Variants in SEMA3C observed in about 807,000 individuals in gnomAD.
SEMA3C encodes semaphorin 3C.
A neutral mutation model predicts 89.4 loss-of-function variants in SEMA3C; 47 were observed. The observed-to-expected ratio is 0.53, with a 90% CI of 0.42 to 0.67. The LOEUF (loss-of-function observed/expected upper bound fraction) is 0.67. Among genes scored for constraint, SEMA3C ranks in the 30% least tolerant of loss-of-function variants. SEMA3C has a pLI of 0.00. For missense variants in SEMA3C, 839 were observed against 929.1 expected, an observed-to-expected ratio of 0.90 and a Z score of 1.26; for synonymous variants, 310 against 320.2, an observed-to-expected ratio of 0.97 and a Z score of 0.34.
In SEMA3C at chr7:80,789,399, C is replaced by A. The variant is rs1217405269; in HGVS notation, c.1261G>T (p.Val421Phe). ...TACTTGTAGTCAGTGCCAATACGAA[C>A]AATCAAAGGCCTTTTGTGGATTGGG... ...IYPIHKRPLIVRIGTDYKYTK... is the reference protein window; with the variant it reads ...IYPIHKRPLIFRIGTDYKYTK... The change falls in exon 12 of 18, where the codon GTT becomes TTT. Residue 421 changes from valine to phenylalanine, a missense_variant. Val to Phe is a conservative substitution (Grantham distance 50). Coordinates refer to ENST00000265361, the MANE Select transcript of SEMA3C (RefSeq NM_006379.5). 3.1e-6 allele frequency: 5 copies of A among 1,613,958 alleles called. No homozygotes were observed. Among genetic ancestry groups the A allele is most frequent in the Middle Eastern group, 1.6e-4 (1 of 6,084 alleles).
At chr7:80,750,912 T>C (rs1436706518) in intron 16 of SEMA3C, among the ~76,000 whole-genome samples, 1 of 152,132 alleles carries the variant, frequency 6.6e-6, no homozygotes, top group East Asian at 1.9e-4. Flanking sequence ...GTATATTTAC[T>C]GCAGTAAAAA....
intron 2 of SEMA3C, among the ~76,000 whole-genome samples, chr7:80,843,213 T>C (rs2115890025): frequency 6.6e-6 from 1 of 152,248 alleles, no homozygotes; most frequent in Non-Finnish European, 1.5e-5. Context: ...CTGAATCGTT[T>C]CCAACACATT....
rs529611258 is a variant in SEMA3C at position 80,825,211 on chromosome 7, A to G, written c.327+2214T>C. 8.5e-5 allele frequency among the ~76,000 whole-genome samples: 13 copies of G among 152,248 alleles called. No individual in the cohort carries two copies. The East Asian group carries it at 1.9e-3, about 23-fold the overall frequency. On this transcript the variant is annotated intron_variant, in intron 4 of 17. Coordinates refer to ENST00000265361, the MANE Select transcript of SEMA3C (RefSeq NM_006379.5). The stretch of plus-strand genomic sequence containing the variant: ...TTTTCCCATAGCCTAAGTAAAGGAC[A>G]CTTCTATAAGTATTTCACATGTATG...
intron 13 of SEMA3C, among the ~76,000 whole-genome samples, chr7:80,762,274 C>T (rs183322251): frequency 6.6e-5 from 10 of 152,132 alleles, no homozygotes; most frequent in East Asian, 1.9e-4. Flanking sequence ...CTAATTCCTC[C>T]GCAACACAAG....
intron 5 of SEMA3C, among the ~76,000 whole-genome samples, chr7:80,816,926 A>G (rs913520527): frequency 6.6e-6 from 1 of 152,200 alleles, no homozygotes; most frequent in Non-Finnish European, 1.5e-5. Flanking sequence ...TTTTATTTGA[A>G]ATCTGTGCTC....
chr7:80,767,469 C>T (rs1788330594), intron 12 of SEMA3C, among the ~76,000 whole-genome samples: 1 of 152,148 alleles, frequency 6.6e-6, no homozygotes, highest in African/African-American at 2.4e-5. Context: ...TGCATATAAT[C>T]ATGCCACTCT....
intron 14 of SEMA3C, among the ~76,000 whole-genome samples, chr7:80,760,913 GT>G (rs2117051930): frequency 6.6e-6 from 1 of 152,160 alleles, no homozygotes; most frequent in South Asian, 2.1e-4. Flanking sequence ...ATATTACTCT[GT>G]ACCTTAAAAT....
At chr7:80,805,475 T>C (rs1789316493) in intron 7 of SEMA3C, among the ~76,000 whole-genome samples, 164 bp downstream of exon 7, 1 of 152,098 alleles carries the variant, frequency 6.6e-6, no homozygotes. Context: ...TATTCAATTG[T>C]TTATTTTCCC....
At chr7:80,768,786 TTG>T (rs36046400) in intron 12 of SEMA3C, among the ~76,000 whole-genome samples, 25,976 of 149,730 alleles carry the variant, frequency 0.17, 2,455 homozygotes, top group East Asian at 0.41. Flanking sequence ...AGGGCAAGAT[TTG>T]TGTGTGTGTG....
At chr7:80,764,337 C>A (rs1180261433) in intron 13 of SEMA3C, among the ~76,000 whole-genome samples, 2 of 152,162 alleles carry the variant, frequency 1.3e-5, no homozygotes, top group African/African-American at 4.8e-5. Context: ...AGGACTGATT[C>A]CATGCCAAAC....
At chr7:80,912,502 C>G (rs1562982946) in intron 2 of SEMA3C, among the ~76,000 whole-genome samples, 1 of 152,174 alleles carries the variant, frequency 6.6e-6, no homozygotes, top group East Asian at 1.9e-4. Flanking sequence ...ATGTCCAACT[C>G]ACAAGTGAAT....
At chr7:80,871,732 T>G (rs938647108) in intron 2 of SEMA3C, among the ~76,000 whole-genome samples, 2 of 152,146 alleles carry the variant, frequency 1.3e-5, no homozygotes, top group Non-Finnish European at 2.9e-5. Flanking sequence ...ATCATTTTAG[T>G]GTTTGATATG....
intron 2 of SEMA3C, among the ~76,000 whole-genome samples, chr7:80,896,462 A>G (rs895492139): frequency 4.6e-5 from 7 of 152,220 alleles, no homozygotes; most frequent in African/African-American, 1.7e-4. Context: ...ATCTCAGATT[A>G]CCTTTAAAGA....
intron 3 of SEMA3C, among the ~76,000 whole-genome samples, chr7:80,828,072 C>G (rs2115813508): frequency 6.6e-6 from 1 of 152,250 alleles, no homozygotes; most frequent in South Asian, 2.1e-4. Context: ...CCTGTGTTAA[C>G]ACTTCTGCAA....
intron 14 of SEMA3C, 52 bp from the exon 15 acceptor site, chr7:80,758,540 C>T: frequency 1.3e-6 from 2 of 1,544,064 alleles, no homozygotes; most frequent in Non-Finnish European, 1.8e-6. Context: ...TAAAAGAAGA[C>T]TTTCAGCAGG....
rs143044631 is a variant in SEMA3C at position 80,872,787 on chromosome 7, G to A, written c.103+43892C>T. ...CTGCACTCCAGCCTGGCAACAGAGC[G>A]AGACTCTGTCAAAAAAAAAAAAAAA... On this transcript the variant is annotated intron_variant, in intron 2 of 17. Transcript: ENST00000265361. 7.5e-3 allele frequency among the ~76,000 whole-genome samples: 941 copies of A among 125,136 alleles called. 5 individuals carry two copies. The highest frequency in any genetic ancestry group is 0.03 in the Middle Eastern group (5 of 164). The allele number at this position is 125,136 out of a possible 152,430, so 82.1% of individuals were successfully genotyped here.
intron 15 of SEMA3C, among the ~76,000 whole-genome samples, chr7:80,755,271 A>G (rs1249944438): frequency 6.6e-6 from 1 of 151,494 alleles, no homozygotes; most frequent in Non-Finnish European, 1.5e-5. Flanking sequence ...ATGTATATTT[A>G]AGCACACATC....
chr7:80,785,844 G>T (rs189905764), intron 12 of SEMA3C, among the ~76,000 whole-genome samples: 1 of 152,292 alleles, frequency 6.6e-6, no homozygotes, highest in Non-Finnish European at 1.5e-5. Flanking sequence ...CCGACCTCAG[G>T]TGATCTGCTG....
chr7:80,902,888 G>A (rs1791917166), intron 2 of SEMA3C, among the ~76,000 whole-genome samples: 1 of 152,136 alleles, frequency 6.6e-6, no homozygotes, highest in Non-Finnish European at 1.5e-5. Flanking sequence ...CGTGAAAACA[G>A]CAGGATTATA....
Sources: allele counts gnomAD v4.1 joint callset (sites outside exome capture counted in the v4.1 genomes callset), GRCh38; gene constraint gnomAD v4.1.1; transcripts MANE v1.5; gene names NCBI Gene and HGNC (gene_info 2026-07-23, HGNC 2026-07-21).